PCDH9: variants seen among roughly 807,000 people sequenced by gnomAD.
PCDH9 encodes protocadherin-9.
Under a neutral mutation model 70.6 loss-of-function variants are expected in PCDH9, and 24 were observed. That is an observed-to-expected ratio of 0.34 (90% CI 0.25 to 0.48). PCDH9 has a LOEUF of 0.48. Among genes scored for constraint, PCDH9 ranks in the 20% least tolerant of loss-of-function variants. The pLI is 0.99. For synonymous variants in PCDH9, 562 were observed against 558.5 expected, an observed-to-expected ratio of 1.01 and a Z score of -0.09; for missense variants, 1,281 against 1,503.6, an observed-to-expected ratio of 0.85 and a Z score of 2.45.
intron 4 of PCDH9, among the ~76,000 whole-genome samples, chr13:66,609,621 A>G (rs2077265823): frequency 6.6e-6 from 1 of 152,116 alleles, no homozygotes; most frequent in African/African-American, 2.4e-5. Flanking sequence ...GTCTGTTTTC[A>G]GAATTTTAAC....
chr13:67,020,261 C>T (rs1566367604), intron 2 of PCDH9, among the ~76,000 whole-genome samples: 1 of 152,182 alleles, frequency 6.6e-6, no homozygotes, highest in Non-Finnish European at 1.5e-5. Flanking sequence ...CTGAATTTGA[C>T]TATGCTATAT....
At chr13:66,418,592 T>G (rs1333824709) in intron 4 of PCDH9, among the ~76,000 whole-genome samples, 1 of 151,860 alleles carries the variant, frequency 6.6e-6, no homozygotes, top group Non-Finnish European at 1.5e-5. Flanking sequence ...GCTAAATCAG[T>G]GTTTAGAGGG....
At chr13:66,356,028 A>G (rs1956377026) in intron 4 of PCDH9, among the ~76,000 whole-genome samples, 1 of 152,186 alleles carries the variant, frequency 6.6e-6, no homozygotes, top group Non-Finnish European at 1.5e-5. Context: ...AAATAAGATA[A>G]CTAAAATAAA....
In PCDH9 at chr13:66,547,746, G is replaced by A. The variant is rs190977567; in HGVS notation, c.3340+83464C>T. On this transcript the variant is annotated intron_variant, in intron 4 of 4. Transcript: ENST00000377865. The stretch of plus-strand genomic sequence containing the variant: ...AAAGTGATTTGCCCATTTCCCCTTC[G>A]GTATAATAGAGCAAGACTGTGAGGC... Among the ~76,000 whole-genome samples, 185 of 151,364 alleles carry A rather than the reference G, an allele frequency of 1.2e-3. 1 individual carries two copies. Among genetic ancestry groups the A allele is most frequent in the African/African-American group, 4.2e-3 (174 of 41,334 alleles).
intron 2 of PCDH9, among the ~76,000 whole-genome samples, chr13:67,171,915 G>A (rs1012108629): frequency 1.3e-5 from 2 of 152,190 alleles, no homozygotes; most frequent in Admixed American, 1.3e-4. Context: ...CTTACTGCTA[G>A]AGGTATCTGC....
chr13:66,894,230 G>A (rs1285169534), intron 3 of PCDH9, among the ~76,000 whole-genome samples: 1 of 151,710 alleles, frequency 6.6e-6, no homozygotes, highest in African/African-American at 2.4e-5. Context: ...GACTTAATCT[G>A]TATTTAATAT....
chr13:66,997,239 G>C lies in PCDH9; in HGVS notation c.3037-93634C>G, dbSNP rs562100052. 2.2e-4 allele frequency among the ~76,000 whole-genome samples: 33 copies of C among 152,328 alleles called. No homozygotes were observed. In the East Asian group the frequency reaches 6.2e-3, roughly 29 times the overall value. ...GCTCATGGTTCTACAGGCTGGACAG[G>C]AAGCATGGTCTGGCATCTACTTCTG... is the stretch of plus-strand genomic sequence containing the variant. On this transcript the variant is annotated intron_variant, in intron 2 of 4. Coordinates refer to ENST00000377865, the MANE Select transcript of PCDH9 (RefSeq NM_203487.3).
intron 4 of PCDH9, among the ~76,000 whole-genome samples, chr13:66,599,862 C>T (rs1027829442): frequency 6.6e-5 from 10 of 151,686 alleles, no homozygotes; most frequent in African/African-American, 1.7e-4. Flanking sequence ...AAGTTTTCTA[C>T]GATTGATTTT....
intron 2 of PCDH9, among the ~76,000 whole-genome samples, chr13:67,132,791 C>G (rs996031279): frequency 6.6e-6 from 1 of 151,944 alleles, no homozygotes. Context: ...CAATAAAATT[C>G]AAGAATTCAA....
At chr13:66,982,571 G>A (rs1259608036) in intron 2 of PCDH9, among the ~76,000 whole-genome samples, 2 of 152,048 alleles carry the variant, frequency 1.3e-5, no homozygotes, top group Non-Finnish European at 2.9e-5. Flanking sequence ...TACCTACCCC[G>A]GGTTCTCCTG....
chr13:66,795,308 C>T (rs1437367400), intron 3 of PCDH9, among the ~76,000 whole-genome samples: 1 of 151,994 alleles, frequency 6.6e-6, no homozygotes, highest in Non-Finnish European at 1.5e-5. Context: ...AGAAAGTTTC[C>T]AATTTTGGAG....
chr13:66,809,944 T>G (rs539512976), intron 3 of PCDH9, among the ~76,000 whole-genome samples: 1 of 152,172 alleles, frequency 6.6e-6, no homozygotes, highest in South Asian at 2.1e-4. Context: ...AAAATAATAC[T>G]AACTCCAGTA....
Position 66,548,002 on chromosome 13 carries a change from C to T in PCDH9, c.3340+83208G>A, listed in dbSNP as rs538033230. ...ATGTATAGAAGCTTTTTGTTGTTTGCGTGTGTATTTGTATGTATGTATGTA... is the reference window on the plus strand; with the variant it reads ...ATGTATAGAAGCTTTTTGTTGTTTGTGTGTGTATTTGTATGTATGTATGTA... On this transcript the variant is annotated intron_variant, in intron 4 of 4. Transcript: ENST00000377865. Among the ~76,000 whole-genome samples, 170 of 148,420 alleles carry T rather than the reference C, an allele frequency of 1.1e-3. 1 individual carries two copies. The highest frequency in any genetic ancestry group is 4.0e-3 in the African/African-American group (161 of 40,206).
intron 2 of PCDH9, among the ~76,000 whole-genome samples, chr13:67,027,018 C>T (rs1050189636): frequency 6.6e-6 from 1 of 152,056 alleles, no homozygotes; most frequent in Non-Finnish European, 1.5e-5. Context: ...CAATGCCATC[C>T]CCATCAAGCT....
At chr13:66,979,431 G>A (rs2083692118) in intron 2 of PCDH9, among the ~76,000 whole-genome samples, 1 of 152,096 alleles carries the variant, frequency 6.6e-6, no homozygotes, top group African/African-American at 2.4e-5. Flanking sequence ...ATTATAAACA[G>A]TGAAGATATC....
chr13:66,801,654 A>C (rs2080328848), intron 3 of PCDH9, among the ~76,000 whole-genome samples: 1 of 152,108 alleles, frequency 6.6e-6, no homozygotes, highest in South Asian at 2.1e-4. Flanking sequence ...CTAATATGTG[A>C]ATTCAAGAAA....
intron 4 of PCDH9, among the ~76,000 whole-genome samples, chr13:66,626,452 C>T (rs1345450478): frequency 6.6e-6 from 1 of 152,088 alleles, no homozygotes; most frequent in African/African-American, 2.4e-5. Flanking sequence ...CCCAAAGAGT[C>T]CAGGAGGACT....
chr13:66,486,552 C>A (rs968909169), intron 4 of PCDH9, among the ~76,000 whole-genome samples: 4 of 150,458 alleles, frequency 2.7e-5, no homozygotes, highest in African/African-American at 9.8e-5. Context: ...GGGAAGATGA[C>A]TTGAGCCCAG....
At chr13:66,987,499 T>G (rs962341637) in intron 2 of PCDH9, among the ~76,000 whole-genome samples, 1 of 152,038 alleles carries the variant, frequency 6.6e-6, no homozygotes, top group Non-Finnish European at 1.5e-5. Context: ...TTTGAGTGAA[T>G]TGCCACATTC....
Sources: gnomAD v4.1 joint callset for allele counts (sites outside exome capture counted in the v4.1 genomes callset) on GRCh38, gnomAD v4.1.1 for gene constraint, MANE v1.5 for transcripts, NCBI Gene and HGNC (gene_info 2026-07-23, HGNC 2026-07-21) for gene names.